The following TSPEAR variants were observed in gnomAD, a reference collection of about 807,000 sequenced individuals.
The protein encoded by TSPEAR is thrombospondin-type laminin G domain and EAR repeat-containing protein.
In TSPEAR, 69 loss-of-function variants were observed where a neutral mutation model predicts 71.6. That is an observed-to-expected ratio of 0.96 (90% confidence interval 0.79 to 1.18). TSPEAR has a LOEUF of 1.18. Ranked by LOEUF, TSPEAR falls within the 50% of genes most tolerant of loss-of-function variation. The pLI, the probability that TSPEAR is intolerant of heterozygous loss-of-function variation, is 0.00. For synonymous variants in TSPEAR, 402 were observed against 387.2 expected, an observed-to-expected ratio of 1.04 and a Z score of -0.45; for missense variants, 971 against 894.9, an observed-to-expected ratio of 1.09 and a Z score of -1.09.
chr21:44,709,397 C>T (rs1988100971), intron 1 of TSPEAR, among the ~76,000 whole-genome samples: 1 of 152,254 alleles, frequency 6.6e-6, no homozygotes, highest in African/African-American at 2.4e-5. Flanking sequence ...GCCCACGGGG[C>T]TGGAGCCGCC....
intron 1 of TSPEAR, among the ~76,000 whole-genome samples, chr21:44,685,503 C>G (rs1555948783): frequency 6.6e-6 from 1 of 152,000 alleles, no homozygotes; most frequent in Non-Finnish European, 1.5e-5. Flanking sequence ...GTAGCTCAGG[C>G]CCTCCTCTGT....
intron 1 of TSPEAR, among the ~76,000 whole-genome samples, chr21:44,595,482 T>C (rs1454322481): frequency 2.6e-5 from 4 of 152,214 alleles, no homozygotes; most frequent in African/African-American, 9.7e-5. Context: ...ATAGTTGATT[T>C]ATCAACACTG....
intron 1 of TSPEAR, among the ~76,000 whole-genome samples, chr21:44,590,410 A>C (rs370933459): frequency 6.6e-6 from 1 of 151,998 alleles, no homozygotes; most frequent in African/African-American, 2.4e-5. Flanking sequence ...CAGGACCAGG[A>C]GGGAGCCAGG....
At chr21:44,509,023 G>GA in intron 10 of TSPEAR, 176 bp downstream of exon 10, 3 of 1,464,474 alleles carry the variant, frequency 2.0e-6, no homozygotes, top group Non-Finnish European at 2.8e-6. Flanking sequence ...CCCAGGCCAG[G>GA]AAAGTCCCCA....
chr21:44,555,349 C>T (rs1467741211), intron 2 of TSPEAR, among the ~76,000 whole-genome samples: 1 of 152,190 alleles, frequency 6.6e-6, no homozygotes, highest in Non-Finnish European at 1.5e-5. Flanking sequence ...TGCCGGGGCC[C>T]ACACAGAGCC....
chr21:44,587,246 C>T (rs587642103), intron 1 of TSPEAR, among the ~76,000 whole-genome samples: 19 of 152,218 alleles, frequency 1.2e-4, no homozygotes, highest in Middle Eastern at 3.4e-3. Context: ...ACACCAACAG[C>T]GACTAAGCTG....
chr21:44,539,927 C>G, intron 2 of TSPEAR: 1 of 1,613,856 alleles, frequency 6.2e-7, no homozygotes, highest in Non-Finnish European at 8.5e-7. Context: ...CGAGGGCGTG[C>G]AGGAGCTGGT....
At chr21:44,586,110 G>A (rs1195208942) in intron 1 of TSPEAR, among the ~76,000 whole-genome samples, 1 of 152,348 alleles carries the variant, frequency 6.6e-6, no homozygotes, top group South Asian at 2.1e-4. Flanking sequence ...TGGCCTGCCT[G>A]GCTCTCCTGC....
chr21:44,654,280 C>T (rs188490306), intron 1 of TSPEAR: 23 of 1,612,942 alleles, frequency 1.4e-5, no homozygotes, highest in Middle Eastern at 3.4e-4. Context: ...ACCTGCTCAG[C>T]AGCCAGTGGG....
intron 1 of TSPEAR, among the ~76,000 whole-genome samples, chr21:44,698,410 A>T (rs1987488374): frequency 6.6e-6 from 1 of 152,174 alleles, no homozygotes; most frequent in African/African-American, 2.4e-5. Context: ...AACACACATT[A>T]GTCTGGCACT....
chr21:44,526,848 C>T (rs782799836), intron 7 of TSPEAR, among the ~76,000 whole-genome samples: 25 of 152,218 alleles, frequency 1.6e-4, no homozygotes, highest in Non-Finnish European at 3.1e-4. Flanking sequence ...TGTCAGCCTG[C>T]GAGGTCCCAC....
chr21:44,602,768 G>A (rs922179983), intron 1 of TSPEAR, among the ~76,000 whole-genome samples: 7 of 152,136 alleles, frequency 4.6e-5, no homozygotes, highest in African/African-American at 1.2e-4. Context: ...GGAGTGAGGC[G>A]CGTCCTGCGT....
At chr21:44,578,203 G>C (rs139355907) in intron 1 of TSPEAR, among the ~76,000 whole-genome samples, 286 of 152,272 alleles carry the variant, frequency 1.9e-3, no homozygotes, top group African/African-American at 6.0e-3. Context: ...ATGAATAAAA[G>C]GTTGCCACTA....
rs1165404482 is a variant in TSPEAR at position 44,593,080 on chromosome 21, C to T, written c.83-25075G>A. Among the ~76,000 whole-genome samples, 1 of 152,216 alleles carries T rather than the reference C, an allele frequency of 6.6e-6. No individual in the cohort carries two copies. Among genetic ancestry groups the T allele is most frequent in the Admixed American group, 6.5e-5 (1 of 15,292 alleles). On this transcript the variant is annotated intron_variant, in intron 1 of 11. Coordinates refer to ENST00000323084, the MANE Select transcript of TSPEAR (RefSeq NM_144991.3). This position sits in a 1 kb window ranked among gnomAD's most constrained non-coding sequence, Gnocchi z 5.9. ...CTTCACCTCCGGCCCTGTTTCGTGT[C>T]CACCTCGTCTTTGTGTTTTGGAGGC...
At chr21:44,636,716 C>A (rs1352077749) in intron 1 of TSPEAR, among the ~76,000 whole-genome samples, 2 of 152,176 alleles carry the variant, frequency 1.3e-5, no homozygotes, top group African/African-American at 4.8e-5. Flanking sequence ...CAGACCCTGA[C>A]CTGCACCCGC....
chr21:44,509,453 GCA>G, intron 9 of TSPEAR, 67 bp from the exon 10 acceptor site: 1 of 1,104,380 alleles, frequency 9.1e-7, no homozygotes. Flanking sequence ...GGGAGCGGGC[GCA>G]GAGGTGTGGG....
chr21:44,556,208 T>C (rs1555919746), intron 2 of TSPEAR, among the ~76,000 whole-genome samples: 1 of 151,368 alleles, frequency 6.6e-6, no homozygotes. Flanking sequence ...AAACCCAGTC[T>C]CTACTAAAAA....
chr21:44,574,339 G>T (rs1489453952), intron 1 of TSPEAR: 1 of 1,608,084 alleles, frequency 6.2e-7, no homozygotes, highest in Admixed American at 1.7e-5. Context: ...TGTGAGCCCA[G>T]CCCCTGCCAA....
Position 44,601,790 on chromosome 21 carries a change from G to A in TSPEAR, c.83-33785C>T. The A allele has an allele frequency of 3.8e-6, 6 of 1,567,626 alleles. No individual in the cohort carries two copies. The South Asian group carries it at 6.0e-5, about 16-fold the overall frequency. On this transcript the variant is annotated intron_variant, in intron 1 of 11. Transcript: ENST00000323084. Reference sequence around the variant, plus strand: ...GTGCTCACTGCCACCTGCACCCCTGGATTCTTTACCCTTGACGGCTCTCCA... The same window carrying A: ...GTGCTCACTGCCACCTGCACCCCTGAATTCTTTACCCTTGACGGCTCTCCA...
Sources: gnomAD v4.1 joint callset for allele counts (sites outside exome capture counted in the v4.1 genomes callset) on GRCh38, gnomAD v4.1.1 for gene constraint, Gnocchi (gnomAD v3.1) non-coding constraint, MANE v1.5 for transcripts, NCBI Gene and HGNC (gene_info 2026-07-23, HGNC 2026-07-21) for gene names.